The following BNC2 variants were observed in gnomAD, a reference collection of about 807,000 sequenced individuals.
The protein encoded by BNC2 is zinc finger protein basonuclin-2.
In BNC2, 20 loss-of-function variants were observed where a neutral mutation model predicts 76.3. The observed-to-expected ratio is 0.26, with a 90% CI of 0.18 to 0.38. BNC2 has a LOEUF of 0.38. Among genes scored for constraint, BNC2 ranks in the 10% least tolerant of loss-of-function variants. BNC2 has a pLI of 1.00. For missense variants in BNC2, 1,382 were observed against 1,399.8 expected, an observed-to-expected ratio of 0.99 and a Z score of 0.20; for synonymous variants, 582 against 514.8, an observed-to-expected ratio of 1.13 and a Z score of -1.77.
intron 3 of BNC2, among the ~76,000 whole-genome samples, chr9:16,641,853 T>C (rs1367343866): frequency 6.6e-6 from 1 of 152,210 alleles, no homozygotes; most frequent in African/African-American, 2.4e-5. Context: ...AGAATTCCCT[T>C]TTTTTGGAAG....
intron 1 of BNC2, among the ~76,000 whole-genome samples, chr9:16,780,052 T>A (rs374548370): frequency 1.2e-4 from 18 of 149,510 alleles, no homozygotes; most frequent in South Asian, 8.5e-4. Context: ...CTGGCTAACA[T>A]GGTGAAACCC....
chr9:16,727,969 T>C lies in BNC2; in HGVS notation c.158A>G (p.Glu53Gly). The C allele has an allele frequency of 6.2e-7, 1 of 1,614,046 alleles. No homozygotes were observed. The highest frequency in any genetic ancestry group is 2.2e-5 in the East Asian group (1 of 44,846). Residue 53 changes from glutamate (E) to glycine (G), a missense_variant, in exon 3 of 7, where the codon GAA (glutamate) becomes GGA (glycine). Transcript: ENST00000380672. Reference sequence around the variant, plus strand: ...CTCTCTGTCTCTCTGTGTCTCTCTTTCTCTCACATCCACTTCTGCCTCTTC... The same window carrying C: ...CTCTCTGTCTCTCTGTGTCTCTCTTCCTCTCACATCCACTTCTGCCTCTTC... The part of the protein sequence containing the change: ...ESEEAEVDVR[E>G]RETQRDREPK...
At chr9:16,662,301 G>C (rs1387580764) in intron 3 of BNC2, among the ~76,000 whole-genome samples, 2 of 152,134 alleles carry the variant, frequency 1.3e-5, no homozygotes, top group African/African-American at 4.8e-5. Flanking sequence ...GTACAACAGG[G>C]CAAGGTCTCA....
chr9:16,744,256 A>G (rs1459538111), intron 1 of BNC2, among the ~76,000 whole-genome samples: 1 of 152,180 alleles, frequency 6.6e-6, no homozygotes, highest in Non-Finnish European at 1.5e-5. Context: ...GGCGTAAGCC[A>G]CCACGCCTGG....
At chr9:16,835,282 G>T (rs1174878228) in intron 1 of BNC2, among the ~76,000 whole-genome samples, 1 of 152,184 alleles carries the variant, frequency 6.6e-6, no homozygotes, top group Non-Finnish European at 1.5e-5. Context: ...TGTTAAGTAT[G>T]TTTATAATCA....
intron 3 of BNC2, among the ~76,000 whole-genome samples, chr9:16,672,133 G>A (rs902182921): frequency 6.6e-6 from 1 of 152,150 alleles, no homozygotes; most frequent in African/African-American, 2.4e-5. Context: ...GAGATCTGGG[G>A]CACTCCTATG....
intron 3 of BNC2, among the ~76,000 whole-genome samples, chr9:16,634,691 T>C (rs965585596): frequency 6.6e-6 from 1 of 151,912 alleles, no homozygotes; most frequent in African/African-American, 2.4e-5. Flanking sequence ...TTAGTAGAGA[T>C]GGGGTTTCAT....
chr9:16,530,673 T>C (rs1473625817), intron 5 of BNC2, among the ~76,000 whole-genome samples: 2 of 152,220 alleles, frequency 1.3e-5, no homozygotes, highest in Non-Finnish European at 2.9e-5. Flanking sequence ...GTTTATGAAA[T>C]GCCTACTGTG....
At chr9:16,664,450 C>CAT (rs1028042576) in intron 3 of BNC2, among the ~76,000 whole-genome samples, 2 of 152,140 alleles carry the variant, frequency 1.3e-5, no homozygotes, top group African/African-American at 4.8e-5. Context: ...GGTCTTGACT[C>CAT]ATAAGCCTAT....
At chr9:16,493,811 G>C (rs1822327885) in intron 5 of BNC2, among the ~76,000 whole-genome samples, 1 of 152,194 alleles carries the variant, frequency 6.6e-6, no homozygotes, top group Admixed American at 6.5e-5. Context: ...AACAGGTGAA[G>C]ATGAACCATC....
intron 1 of BNC2, among the ~76,000 whole-genome samples, chr9:16,839,909 C>T (rs1224287913): frequency 1.3e-5 from 2 of 152,226 alleles, no homozygotes; most frequent in African/African-American, 4.8e-5. Context: ...CCATGACAGT[C>T]ACCAGAAACT....
At position 16,743,897 on chromosome 9, in the gene BNC2, T is replaced by G. The variant is rs531215858; in HGVS notation, c.4-5412A>C. ...AAATGGATAAATACATAGATTTTGT[T>G]CACACTATTCTCGGTTTTTTTCCCC... On this transcript the variant is annotated intron_variant, in intron 1 of 6. Transcript: ENST00000380672. Among the ~76,000 whole-genome samples, 8 of 152,352 alleles carry G rather than the reference T, an allele frequency of 5.3e-5. No individual in the cohort carries two copies. In the South Asian group the frequency reaches 1.7e-3, roughly 32 times the overall value.
intron 3 of BNC2, 41 bp downstream of exon 3, chr9:16,727,756 T>TA (rs774541968): frequency 1.2e-4 from 184 of 1,562,036 alleles, no homozygotes; most frequent in South Asian, 6.4e-4. Flanking sequence ...CAAGGTTTCT[T>TA]AAAAAAAAGA....
At chr9:16,855,640 C>T (rs1819235306) in intron 1 of BNC2, among the ~76,000 whole-genome samples, 3 of 152,126 alleles carry the variant, frequency 2.0e-5, no homozygotes, top group Non-Finnish European at 1.5e-5. Context: ...CGGGTTCACG[C>T]CATTCTCCTG....
chr9:16,770,086 G>A (rs959797953), intron 1 of BNC2, among the ~76,000 whole-genome samples: 11 of 152,146 alleles, frequency 7.2e-5, no homozygotes, highest in African/African-American at 2.7e-4. Flanking sequence ...GAAACAAGGA[G>A]GTCTTTTCTT....
chr9:16,856,577 C>G (rs558346180), intron 1 of BNC2, among the ~76,000 whole-genome samples: 5 of 152,074 alleles, frequency 3.3e-5, no homozygotes, highest in Non-Finnish European at 7.4e-5. Context: ...CCCAGCCCTT[C>G]GTGTAAATAT....
At chr9:16,581,863 G>A (rs932249916) in intron 4 of BNC2, among the ~76,000 whole-genome samples, 2 of 152,272 alleles carry the variant, frequency 1.3e-5, no homozygotes, top group East Asian at 3.9e-4. Flanking sequence ...AAGGACTGCA[G>A]GATTGTGGCT....
In BNC2 at chr9:16,416,619, CAT is replaced by C. The variant is rs949664203; in HGVS notation, c.*2368_*2369del. On this transcript the variant is annotated 3_prime_UTR_variant, in exon 7 of 7. Coordinates refer to ENST00000380672, the MANE Select transcript of BNC2 (RefSeq NM_017637.6). ...TTTACCATAAACACTTGTCATTTAA[CAT>C]AGTGTTTGATATAGTTTCTTTTGTA... The C allele has an allele frequency of 2.6e-5, 4 of 152,582 alleles. No individual in the cohort carries two copies. The highest frequency in any genetic ancestry group is 9.7e-5 in the African/African-American group (4 of 41,446). The allele number at this position is 152,582 out of a possible 1,614,324, so 9.5% of individuals were successfully genotyped here. A position where few individuals can be genotyped will look rare whatever the true frequency, so the allele number is the denominator to read the frequency against.
chr9:16,486,444 T>A (rs1323393535), intron 5 of BNC2, among the ~76,000 whole-genome samples: 1 of 152,236 alleles, frequency 6.6e-6, no homozygotes, highest in Non-Finnish European at 1.5e-5. Context: ...CTGTACTTAA[T>A]CTTCTGACAC....
Sources: gnomAD v4.1 joint callset for allele counts (sites outside exome capture counted in the v4.1 genomes callset) on GRCh38, gnomAD v4.1.1 for gene constraint, MANE v1.5 for transcripts, NCBI Gene and HGNC (gene_info 2026-07-23, HGNC 2026-07-21) for gene names.